The following FARP1 variants were observed in gnomAD, a reference collection of about 807,000 sequenced individuals.
FARP1 encodes FERM, ARH/RhoGEF and pleckstrin domain protein 1, also known as FERM, ARHGEF and pleckstrin domain-containing protein 1.
Under a neutral mutation model 128.8 loss-of-function variants are expected in FARP1, and 52 were observed. The observed-to-expected ratio is 0.40, with a 90% CI of 0.32 to 0.51. The LOEUF (loss-of-function observed/expected upper bound fraction) is 0.51, where lower values mean the gene tolerates loss of function less well. FARP1 is among the 20% of genes least tolerant of loss of function. FARP1 has a pLI of 0.45. For synonymous variants in FARP1, 580 were observed against 551.8 expected (o/e 1.05, Z -0.72); for missense variants, 1,333 against 1,367.9 (o/e 0.97, Z 0.40).
chr13:98,374,015 A>C (rs1339731728), intron 5 of FARP1, among the ~76,000 whole-genome samples: 1 of 152,212 alleles, frequency 6.6e-6, no homozygotes. Context: ...CATTAGTAAG[A>C]TATCCTTTCT....
At chr13:98,166,840 C>G (rs1056371862) in intron 1 of FARP1, among the ~76,000 whole-genome samples, 1 of 151,844 alleles carries the variant, frequency 6.6e-6, no homozygotes, top group Admixed American at 6.6e-5. Context: ...CGTCCTACCT[C>G]AGCCTCCTAA....
At chr13:98,238,649 C>A (rs1882587892) in intron 2 of FARP1, among the ~76,000 whole-genome samples, 1 of 152,108 alleles carries the variant, frequency 6.6e-6, no homozygotes, top group Non-Finnish European at 1.5e-5. Flanking sequence ...TCTCCTGAGA[C>A]TTATTCACTG....
chr13:98,191,963 T>C (rs1879258625), intron 1 of FARP1, among the ~76,000 whole-genome samples: 1 of 152,050 alleles, frequency 6.6e-6, no homozygotes, highest in South Asian at 2.1e-4. Context: ...AATACGTAAG[T>C]AAATAAATAA....
chr13:98,321,054 G>C (rs1232825966), intron 2 of FARP1, among the ~76,000 whole-genome samples: 1 of 152,186 alleles, frequency 6.6e-6, no homozygotes, highest in Non-Finnish European at 1.5e-5. Context: ...ATGGTAACTT[G>C]TCATCACCAC....
In FARP1 at chr13:98,431,526, A is replaced by G. The variant is rs1416545839; in HGVS notation, c.2143+246A>G. On this transcript the variant is annotated intron_variant, in intron 18 of 26. Coordinates refer to ENST00000319562, the MANE Select transcript of FARP1 (RefSeq NM_005766.4). Reference sequence around the variant, plus strand: ...GCCCAGGCTGGAGTGCAATGGTGCGATCTCGGCTCACTGCAACCTCCACCT... The same window carrying G: ...GCCCAGGCTGGAGTGCAATGGTGCGGTCTCGGCTCACTGCAACCTCCACCT... 28 of 315,794 alleles carry G rather than the reference A, an allele frequency of 8.9e-5. No individual in the cohort carries two copies. In the South Asian group the frequency reaches 1.2e-3, roughly 14 times the overall value. The allele number at this position is 315,794 out of a possible 1,614,324, so 19.6% of individuals were successfully genotyped here.
At chr13:98,187,620 C>T (rs1248990575) in intron 1 of FARP1, among the ~76,000 whole-genome samples, 5 of 152,180 alleles carry the variant, frequency 3.3e-5, no homozygotes, top group African/African-American at 9.7e-5. Context: ...ACTTATTCAA[C>T]TTCGTAGGTG....
At chr13:98,153,174 T>G (rs968704579) in intron 1 of FARP1, among the ~76,000 whole-genome samples, 4 of 150,626 alleles carry the variant, frequency 2.7e-5, no homozygotes, top group Admixed American at 6.8e-5. Context: ...GAGTGAGCTG[T>G]TTGGAAATAT....
chr13:98,366,692 G>T (rs1889100320), intron 4 of FARP1, among the ~76,000 whole-genome samples: 1 of 152,190 alleles, frequency 6.6e-6, no homozygotes, highest in South Asian at 2.1e-4. Flanking sequence ...CTAGTTTCAA[G>T]TTTTCTAAGG....
At chr13:98,312,139 T>TTTTC (rs1886490587) in intron 2 of FARP1, among the ~76,000 whole-genome samples, 1 of 128,622 alleles carries the variant, frequency 7.8e-6, no homozygotes, top group Admixed American at 7.8e-5. Context: ...TAACTGCTTT[T>TTTTC]TTTTTTTTTT....
chr13:98,412,314 G>A (rs1338393335), intron 16 of FARP1, among the ~76,000 whole-genome samples: 1 of 152,182 alleles, frequency 6.6e-6, no homozygotes, highest in Non-Finnish European at 1.5e-5. Context: ...GTTACTTCTG[G>A]AGGGGCAATA....
intron 5 of FARP1, among the ~76,000 whole-genome samples, chr13:98,373,920 G>T (rs917304917): frequency 6.6e-6 from 1 of 152,094 alleles, no homozygotes; most frequent in Non-Finnish European, 1.5e-5. Flanking sequence ...TATTATAATA[G>T]TAGTAAACAT....
intron 2 of FARP1, among the ~76,000 whole-genome samples, chr13:98,285,213 A>T (rs2139641495): frequency 6.6e-6 from 1 of 152,308 alleles, no homozygotes; most frequent in Non-Finnish European, 1.5e-5. Context: ...AAGGGAAAAA[A>T]TGTAACATGT....
rs541940023 is a variant in FARP1 at position 98,244,005 on chromosome 13, AT to A, written c.171+30603del. Among the ~76,000 whole-genome samples, 236 of 148,750 alleles carry A rather than the reference AT, an allele frequency of 1.6e-3. 1 individual carries two copies. Among genetic ancestry groups the A allele is most frequent in the South Asian group, 5.3e-3 (25 of 4,710 alleles). On this transcript the variant is annotated intron_variant, in intron 2 of 26. Transcript: ENST00000319562. ...TCTCCCCTGAGCATCTTATTTCTAG[AT>A]TTTTTTTTTTCCTAAGCAATCTCTT... is the stretch of plus-strand genomic sequence containing the variant.
intron 8 of FARP1, among the ~76,000 whole-genome samples, chr13:98,387,591 A>G (rs190072973): frequency 9.8e-4 from 150 of 152,296 alleles, no homozygotes; most frequent in African/African-American, 3.5e-3. Flanking sequence ...GAGGAATTCT[A>G]ATTTCAGCTG....
At chr13:98,205,413 G>A (rs188602811) in intron 1 of FARP1, among the ~76,000 whole-genome samples, 44 of 151,094 alleles carry the variant, frequency 2.9e-4, no homozygotes, top group African/African-American at 1.0e-3. Flanking sequence ...GTTTTTTTTA[G>A]ACAGAGTCTC....
chr13:98,316,134 T>C (rs775321688), intron 2 of FARP1, among the ~76,000 whole-genome samples: 38 of 152,160 alleles, frequency 2.5e-4, no homozygotes, highest in African/African-American at 9.2e-4. Context: ...GCTGCTCTCA[T>C]TCAGTGTGTG....
chr13:98,306,817 C>A (rs2139722861), intron 2 of FARP1, among the ~76,000 whole-genome samples: 1 of 152,308 alleles, frequency 6.6e-6, no homozygotes, highest in African/African-American at 2.4e-5. Flanking sequence ...AGCCACCGTG[C>A]CCGGCCTCTA....
At chr13:98,365,503 A>T (rs994511189) in intron 4 of FARP1, 66 bp downstream of exon 4, 1 of 1,203,352 alleles carries the variant, frequency 8.3e-7, no homozygotes, top group Non-Finnish European at 1.2e-6. Context: ...ATGTCTAGAC[A>T]TCTCTTGCCC....
At chr13:98,179,984 C>G (rs1043375933) in intron 1 of FARP1, among the ~76,000 whole-genome samples, 6 of 152,152 alleles carry the variant, frequency 3.9e-5, no homozygotes, top group Non-Finnish European at 5.9e-5. Flanking sequence ...TCAGCCTCCA[C>G]AGAAGAGATA....
Sources: gnomAD v4.1 joint callset for allele counts (sites outside exome capture counted in the v4.1 genomes callset) on GRCh38, gnomAD v4.1.1 for gene constraint, MANE v1.5 for transcripts, NCBI Gene and HGNC (gene_info 2026-07-23, HGNC 2026-07-21) for gene names.